Variants in TFDP2 observed in about 807,000 individuals in gnomAD.
TFDP2 encodes the protein transcription factor Dp-2 (E2F dimerization partner 2).
TFDP2 carries 17 observed loss-of-function variants against 59.3 expected under a neutral mutation model. That is an observed-to-expected ratio of 0.29 (90% CI 0.20 to 0.43). The LOEUF is 0.43. Among genes scored for constraint, TFDP2 ranks in the 20% least tolerant of loss-of-function variants. The pLI is 1.00. For synonymous variants in TFDP2, 180 were observed against 194.7 expected (o/e 0.92, Z 0.63); for missense variants, 391 against 528.8 (o/e 0.74, Z 2.56).
In TFDP2 at chr3:141,949,807, A is replaced by ATT. The variant is rs759658026; in HGVS notation, c.*2704_*2705dup. 8,304 of 97,736 alleles carry ATT rather than the reference A, an allele frequency of 0.085. 680 individuals carry two copies. Among genetic ancestry groups the ATT allele is most frequent in the Middle Eastern group, 0.15 (18 of 124 alleles). The allele number at this position is 97,736 out of a possible 1,614,324, so 6.1% of individuals were successfully genotyped here. Reference sequence around the variant, plus strand: ...CCTGGGCATTGTGACCACAACTTCCATTTTTTTTTTTTTTTTTTTTGAGAC... The same window carrying ATT: ...CCTGGGCATTGTGACCACAACTTCCATTTTTTTTTTTTTTTTTTTTTTGAGAC... On this transcript the variant is annotated 3_prime_UTR_variant, in exon 13 of 13. Coordinates refer to ENST00000489671, the MANE Select transcript of TFDP2 (RefSeq NM_001178139.2).
intron 3 of TFDP2, chr3:142,044,143 T>C (rs1160889807): frequency 6.9e-6 from 4 of 576,302 alleles, no homozygotes. Context: ...GACCTTCTTC[T>C]TGCCACAGCA....
At chr3:142,032,037 T>C (rs954853300) in intron 3 of TFDP2, among the ~76,000 whole-genome samples, 2 of 152,200 alleles carry the variant, frequency 1.3e-5, no homozygotes, top group African/African-American at 4.8e-5. Flanking sequence ...TAGTAAATAT[T>C]TCATATTTCC....
chr3:142,019,040 T>C (rs536870742), intron 3 of TFDP2, among the ~76,000 whole-genome samples: 2 of 134,070 alleles, frequency 1.5e-5, no homozygotes, highest in East Asian at 4.4e-4. Flanking sequence ...CTTTTATATA[T>C]TATTCTTCGC....
Position 141,995,002 on chromosome 3 carries a change from A to G in TFDP2, c.308+18T>C, listed in dbSNP as rs1290314749. 3.2e-5 allele frequency: 49 copies of G among 1,530,534 alleles called. No homozygotes were observed. Among genetic ancestry groups the G allele is most frequent in the Non-Finnish European group, 4.3e-5 (49 of 1,140,260 alleles). The allele number at this position is 1,530,534 out of a possible 1,614,324, so 94.8% of individuals were successfully genotyped here. ...CTTTTTTTAAGGTTTTAAAAATAGT[A>G]ACTTGCAACACTCTTACCCAGGGAC... is the stretch of plus-strand genomic sequence containing the variant. On this transcript the variant is annotated intron_variant, in intron 5 of 12. Transcript: ENST00000489671.
chr3:142,043,247 C>CCT, intron 3 of TFDP2, among the ~76,000 whole-genome samples: 1 of 147,520 alleles, frequency 6.8e-6, no homozygotes, highest in East Asian at 2.1e-4. Context: ...CGGGGTTTCA[C>CCT]TGTGTTAGCC....
At chr3:142,011,497 G>A (rs1446172841) in intron 3 of TFDP2, among the ~76,000 whole-genome samples, 2 of 133,316 alleles carry the variant, frequency 1.5e-5, no homozygotes, top group Admixed American at 7.8e-5. Context: ...GCTAGATGAC[G>A]AGTTAGTGGG....
intron 1 of TFDP2, among the ~76,000 whole-genome samples, chr3:142,147,207 G>A (rs937705463): frequency 2.0e-5 from 3 of 151,818 alleles, no homozygotes; most frequent in South Asian, 2.1e-4. Flanking sequence ...TATTCATGCC[G>A]CACACCTAGA....
intron 4 of TFDP2, among the ~76,000 whole-genome samples, chr3:141,997,681 C>T (rs1298293365): frequency 1.3e-5 from 2 of 151,394 alleles, no homozygotes; most frequent in East Asian, 1.9e-4. Context: ...GAAACCCTAA[C>T]TCTCCTAAAA....
chr3:142,113,560 C>T (rs550421338), intron 1 of TFDP2, among the ~76,000 whole-genome samples: 1 of 151,924 alleles, frequency 6.6e-6, no homozygotes, highest in Non-Finnish European at 1.5e-5. Context: ...TGTGCCCGGC[C>T]GACTTTTTGA....
At chr3:142,003,144 ATG>A (rs1398080357) in intron 4 of TFDP2, among the ~76,000 whole-genome samples, 1 of 151,918 alleles carries the variant, frequency 6.6e-6, no homozygotes, top group Admixed American at 6.6e-5. Context: ...CTGGGACTAC[ATG>A]TGTGTCACCA....
chr3:142,029,223 T>C (rs1246032306), intron 3 of TFDP2: 4 of 152,342 alleles, frequency 2.6e-5, no homozygotes. Flanking sequence ...GTAATAACTG[T>C]CCAGCTCTTG....
intron 1 of TFDP2, 112 bp downstream of exon 1, chr3:142,149,070 GT>G: frequency 2.5e-6 from 1 of 394,252 alleles, no homozygotes; most frequent in Non-Finnish European, 4.5e-6. Context: ...GATGGGACTC[GT>G]GGGGGAACAA....
In TFDP2 at chr3:142,056,174, G is replaced by A. The variant is rs191966049; in HGVS notation, c.82+36887C>T. Among the ~76,000 whole-genome samples, 782 of 151,406 alleles carry A rather than the reference G, an allele frequency of 5.2e-3. 7 individuals carry two copies. The highest frequency in any genetic ancestry group is 0.018 in the African/African-American group (737 of 41,276). ...TCACCATGTTGGTCAGGCTGGTCTC[G>A]AACTCCTAACCTCATGATCTGCCCA... On this transcript the variant is annotated intron_variant, in intron 3 of 12. Coordinates refer to ENST00000489671, the MANE Select transcript of TFDP2 (RefSeq NM_001178139.2).
chr3:141,983,832 A>G (rs937192401), intron 6 of TFDP2, among the ~76,000 whole-genome samples: 4 of 152,220 alleles, frequency 2.6e-5, no homozygotes, highest in African/African-American at 9.6e-5. Context: ...GAGGATGTAG[A>G]GAAACTGCAC....
At position 141,978,613 on chromosome 3, in the gene TFDP2, T is replaced by C. The variant is rs1192933921; in HGVS notation, c.426A>G (p.Lys142=). The C allele has an allele frequency of 6.2e-7, 1 of 1,613,800 alleles. No individual in the cohort carries two copies. The highest frequency in any genetic ancestry group is 8.5e-7 in the Non-Finnish European group (1 of 1,179,924). Residue 142 remains lysine, a synonymous_variant, in exon 7 of 13, where the codon AAA becomes AAG. Coordinates refer to ENST00000489671, the MANE Select transcript of TFDP2 (RefSeq NM_001178139.2). ...ACGATGTTGTACCTTTTCGTTGAAC[T>C]TTCTCACACACTTTCATTGAAAAGT... ...LRHFSMKVCE[K]VQRKGTTSYN...
In TFDP2 at chr3:142,019,645, A is replaced by G. The variant is rs567458747; in HGVS notation, c.83-14101T>C. Among the ~76,000 whole-genome samples, 333 of 51,028 alleles carry G rather than the reference A, an allele frequency of 6.5e-3. 1 individual carries two copies. Among genetic ancestry groups the G allele is most frequent in the South Asian group, 0.05 (73 of 1,456 alleles). The allele number at this position is 51,028 out of a possible 152,430, so 33.5% of individuals were successfully genotyped here. On this transcript the variant is annotated intron_variant, in intron 3 of 12. Transcript: ENST00000489671. ...AGAATGTATACTAAGATTATATTAA[A>G]CACCCCCCCCAACATCTTCTTATAC...
At chr3:141,965,774 A>G (rs1296185513) in intron 9 of TFDP2, among the ~76,000 whole-genome samples, 1 of 152,002 alleles carries the variant, frequency 6.6e-6, no homozygotes, top group Non-Finnish European at 1.5e-5. Flanking sequence ...ACTATCAATA[A>G]CTAGCACTAT....
chr3:141,999,432 C>T (rs985303947), intron 4 of TFDP2, among the ~76,000 whole-genome samples: 3 of 152,090 alleles, frequency 2.0e-5, no homozygotes, highest in African/African-American at 7.2e-5. Flanking sequence ...AAAAGCTACC[C>T]ATGGATTTGT....
At chr3:142,103,933 C>T (rs1240285047) in intron 1 of TFDP2, among the ~76,000 whole-genome samples, 4 of 151,510 alleles carry the variant, frequency 2.6e-5, no homozygotes, top group African/African-American at 9.7e-5. Flanking sequence ...AGTTTTGTTA[C>T]ATAGGTATAC....
Sources: gnomAD v4.1 joint callset for allele counts (sites outside exome capture counted in the v4.1 genomes callset) on GRCh38, gnomAD v4.1.1 for gene constraint, MANE v1.5 for transcripts, NCBI Gene and HGNC (gene_info 2026-07-23, HGNC 2026-07-21) for gene names.